Variants in PLCZ1 observed in about 807,000 individuals in gnomAD.
PLCZ1 encodes the protein phospholipase C zeta 1, also known as 1-phosphatidylinositol 4,5-bisphosphate phosphodiesterase zeta-1.
In PLCZ1, 64 loss-of-function variants were observed where a neutral mutation model predicts 76.8. That is an observed-to-expected ratio of 0.83 (90% CI 0.68 to 1.03). The LOEUF (loss-of-function observed/expected upper bound fraction) is 1.03, where lower values mean the gene tolerates loss of function less well. PLCZ1 is among the 50% of genes least tolerant of loss of function. PLCZ1 has a pLI of 0.00. For missense variants in PLCZ1, 751 were observed against 713.7 expected (o/e 1.05, Z -0.60); for synonymous variants, 248 against 230.8 (o/e 1.07, Z -0.68).
chr12:18,684,997 C>T (rs1281491794), intron 13 of PLCZ1, among the ~76,000 whole-genome samples: 1 of 152,000 alleles, frequency 6.6e-6, no homozygotes, highest in Non-Finnish European at 1.5e-5. Flanking sequence ...TTCTAAGTTT[C>T]CTGAGGCCTC....
chr12:18,713,797 A>T (rs1483972491), intron 5 of PLCZ1: 1 of 152,210 alleles, frequency 6.6e-6, no homozygotes, highest in Admixed American at 6.5e-5. Context: ...GCTTCTGCTG[A>T]TATCTAAAAC....
intron 6 of PLCZ1, among the ~76,000 whole-genome samples, chr12:18,708,364 G>A (rs997155816): frequency 3.3e-5 from 5 of 151,648 alleles, no homozygotes; most frequent in African/African-American, 1.2e-4. Context: ...TGTAAAGACT[G>A]AATCATATTC....
chr12:18,707,586 T>A (rs750544818), intron 6 of PLCZ1, among the ~76,000 whole-genome samples: 1 of 152,308 alleles, frequency 6.6e-6, no homozygotes, highest in Middle Eastern at 3.4e-3. Context: ...GTCATACTTA[T>A]GAGGGTTTTT....
the PLCZ1 span, among the ~76,000 whole-genome samples, chr12:18,666,392 T>C: frequency 6.6e-6 from 1 of 152,016 alleles, no homozygotes; most frequent in Non-Finnish European, 1.5e-5. Flanking sequence ...AATGGAAAAA[T>C]ACATTTATGC....
chr12:18,685,689 G>A (rs949712108), intron 13 of PLCZ1: 5 of 513,108 alleles, frequency 9.7e-6, no homozygotes, highest in Non-Finnish European at 1.9e-5. Context: ...ATGGGGTACA[G>A]AGGCAGGTTT....
the PLCZ1 span, among the ~76,000 whole-genome samples, chr12:18,660,924 A>T: frequency 6.6e-6 from 1 of 152,158 alleles, no homozygotes; most frequent in Non-Finnish European, 1.5e-5. Flanking sequence ...TCAAGAAAAC[A>T]AAGCATGAAC....
downstream of PLCZ1, among the ~76,000 whole-genome samples, chr12:18,679,576 C>T (rs556677850): frequency 1.3e-5 from 2 of 152,020 alleles, no homozygotes; most frequent in African/African-American, 4.8e-5. Flanking sequence ...TGCCTGTAAA[C>T]ATTGCCTCAA....
chr12:18,666,155 C>A, the PLCZ1 span, among the ~76,000 whole-genome samples: 1 of 150,758 alleles, frequency 6.6e-6, no homozygotes, highest in African/African-American at 2.4e-5. Context: ...ATATCTAACA[C>A]AAAAGAAAAA....
chr12:18,718,248 A>T (rs16914530), intron 5 of PLCZ1, among the ~76,000 whole-genome samples: 1 of 152,066 alleles, frequency 6.6e-6, no homozygotes, highest in East Asian at 1.9e-4. Flanking sequence ...ACTACTTGTC[A>T]TCTCAGCTGC....
intron 6 of PLCZ1, among the ~76,000 whole-genome samples, chr12:18,709,982 C>T (rs942318425): frequency 1.3e-5 from 2 of 151,710 alleles, no homozygotes. Context: ...AAAAATACTA[C>T]TGATTTAAAT....
At chr12:18,698,567 C>T (rs1230933371) in intron 10 of PLCZ1, among the ~76,000 whole-genome samples, 1 of 152,116 alleles carries the variant, frequency 6.6e-6, no homozygotes, top group Admixed American at 6.6e-5. Context: ...AGCAGCTTTT[C>T]TCAAGTCAAT....
At chr12:18,660,733 C>T in the PLCZ1 span, among the ~76,000 whole-genome samples, 1 of 151,954 alleles carries the variant, frequency 6.6e-6, no homozygotes, top group African/African-American at 2.4e-5. Flanking sequence ...TTATTAGATT[C>T]ATATATATAG....
At chr12:18,696,343 T>TATAC in intron 10 of PLCZ1, 77 bp from the exon 11 acceptor site, 2 of 243,304 alleles carry the variant, frequency 8.2e-6, no homozygotes, top group Non-Finnish European at 7.1e-6. Flanking sequence ...TATATATATA[T>TATAC]ATATATATCA....
chr12:18,648,004 T>G, the PLCZ1 span: 1 of 1,598,746 alleles, frequency 6.3e-7, no homozygotes, highest in East Asian at 2.3e-5. Context: ...AAAAATGGTA[T>G]CCATTAGGAA....
At chr12:18,731,821 A>C (rs1298486556) in intron 3 of PLCZ1, among the ~76,000 whole-genome samples, 1 of 152,104 alleles carries the variant, frequency 6.6e-6, no homozygotes, top group Non-Finnish European at 1.5e-5. Flanking sequence ...AACTCAGCTA[A>C]AATGGCTTTT....
rs1015166497 is a variant in PLCZ1, at chr12:18,683,748, T to C, written c.1741+382A>G. 3 of 669,762 alleles carry C rather than the reference T, an allele frequency of 4.5e-6. No individual in the cohort carries two copies. The African/African-American group carries it at 5.5e-5, about 12-fold the overall frequency. 41.5% of individuals were successfully genotyped at this position (669,762 alleles called of 1,614,324 possible). A position where few individuals can be genotyped will look rare whatever the true frequency, so the allele number is the denominator to read the frequency against. On this transcript the variant is annotated intron_variant, in intron 14 of 14. Coordinates refer to ENST00000266505, the MANE Select transcript of PLCZ1 (RefSeq NM_033123.4). ...GCCCTGAAAAGGGGTCAGGAAAGGA[T>C]AGTCTCAGGCTCCCAATCTCTTCTC...
At chr12:18,658,905 T>A in the PLCZ1 span, among the ~76,000 whole-genome samples, 2 of 152,102 alleles carry the variant, frequency 1.3e-5, no homozygotes, top group Admixed American at 1.3e-4. Flanking sequence ...AAATGAGATT[T>A]TTGTATTTTT....
the PLCZ1 span, among the ~76,000 whole-genome samples, chr12:18,649,948 C>T: frequency 2.0e-5 from 3 of 152,128 alleles, no homozygotes; most frequent in Admixed American, 1.3e-4. Context: ...TGGAGTGTCC[C>T]AGGGCTCACC....
Position 18,723,534 on chromosome 12 carries a change from G to C in PLCZ1, c.144C>G (p.Asp48Glu), listed in dbSNP as rs1456541123. 11 of 1,611,456 alleles carry C rather than the reference G, an allele frequency of 6.8e-6. No individual in the cohort carries two copies. The highest frequency in any genetic ancestry group is 8.5e-6 in the Non-Finnish European group (10 of 1,178,902). ...TGGTGATTCTTCCTTGTTTCAGCCT[G>C]TCATTGTCCTACTAAAAAAATGACT... ...IHVKQIFKDN[D>E]RLKQGRITIE... Residue 48 changes from aspartate (D) to glutamate (E), a missense_variant, in exon 4 of 15, where the codon GAC becomes GAG. Asp to Glu is a conservative substitution (Grantham distance 45). Transcript: ENST00000266505.
Sources: gnomAD v4.1 joint callset for allele counts (sites outside exome capture counted in the v4.1 genomes callset) on GRCh38, gnomAD v4.1.1 for gene constraint, MANE v1.5 for transcripts, NCBI Gene and HGNC (gene_info 2026-07-23, HGNC 2026-07-21) for gene names.